Variants in PPP2R5E observed in about 807,000 individuals in gnomAD.
PPP2R5E encodes the protein protein phosphatase 2 regulatory subunit B'epsilon.
Under a neutral mutation model 65.3 loss-of-function variants are expected in PPP2R5E, and 4 were observed. The observed-to-expected ratio is 0.06, with a 90% CI of 0.03 to 0.14. The LOEUF (loss-of-function observed/expected upper bound fraction) is 0.14. PPP2R5E is among the 10% of genes least tolerant of loss of function. The pLI is 1.00. For missense variants in PPP2R5E, 274 were observed against 556.1 expected, an observed-to-expected ratio of 0.49 and a Z score of 5.10; for synonymous variants, 183 against 187.4, an observed-to-expected ratio of 0.98 and a Z score of 0.19.
At chr14:63,534,037 A>G (rs1209643108) in intron 2 of PPP2R5E, among the ~76,000 whole-genome samples, 1 of 152,242 alleles carries the variant, frequency 6.6e-6, no homozygotes, top group African/African-American at 2.4e-5. Flanking sequence ...ACGTTCACCC[A>G]AATCTAAACT....
Position 63,538,549 on chromosome 14 carries a change from G to A in PPP2R5E, c.157+980C>T, listed in dbSNP as rs113769039. On this transcript the variant is annotated intron_variant, in intron 2 of 13. Transcript: ENST00000337537. ...ATTACAGGCGTGAGCCACCACGCCC[G>A]GCCTCAACCTGCACTTTCACTCTGT... Among the ~76,000 whole-genome samples, 776 of 149,714 alleles carry A rather than the reference G, an allele frequency of 5.2e-3. 6 individuals carry two copies. Among genetic ancestry groups the A allele is most frequent in the African/African-American group, 0.018 (741 of 40,908 alleles).
intron 6 of PPP2R5E, 57 bp downstream of exon 6, chr14:63,396,529 A>G: frequency 6.3e-7 from 1 of 1,583,332 alleles, no homozygotes. Context: ...GATTTACTTA[A>G]TACTCATAAA....
intron 2 of PPP2R5E, among the ~76,000 whole-genome samples, chr14:63,524,131 T>C (rs1468148835): frequency 6.6e-6 from 1 of 152,248 alleles, no homozygotes; most frequent in East Asian, 1.9e-4. Context: ...ACATGTTCTT[T>C]TTAATGTTTT....
At chr14:63,509,557 G>A (rs1018121838) in intron 2 of PPP2R5E, among the ~76,000 whole-genome samples, 3 of 152,060 alleles carry the variant, frequency 2.0e-5, no homozygotes, top group Non-Finnish European at 4.4e-5. Context: ...TACAGGCCTC[G>A]TGAGTCGCTG....
chr14:63,465,923 C>T (rs1484077530), intron 2 of PPP2R5E, among the ~76,000 whole-genome samples: 3 of 152,018 alleles, frequency 2.0e-5, no homozygotes, highest in African/African-American at 4.8e-5. Flanking sequence ...TTTTTATTTA[C>T]GCCATGCTTA....
intron 2 of PPP2R5E, among the ~76,000 whole-genome samples, chr14:63,457,922 C>G (rs371315801): frequency 6.6e-6 from 1 of 152,236 alleles, no homozygotes. Context: ...ACCAGCTAAA[C>G]TGTACTTCTC....
At chr14:63,393,645 G>T (rs770878077) in intron 8 of PPP2R5E, among the ~76,000 whole-genome samples, 175 bp downstream of exon 8, 2 of 152,036 alleles carry the variant, frequency 1.3e-5, no homozygotes, top group African/African-American at 2.4e-5. Flanking sequence ...CCGGGAGGTG[G>T]AGGCTGCAGT....
intron 10 of PPP2R5E, among the ~76,000 whole-genome samples, chr14:63,391,474 G>C (rs966973694): frequency 1.3e-5 from 2 of 152,124 alleles, no homozygotes; most frequent in Non-Finnish European, 2.9e-5. Context: ...CCAGGCTGGA[G>C]TGCAATGGCA....
intron 3 of PPP2R5E, among the ~76,000 whole-genome samples, chr14:63,430,381 A>ACATACATG (rs1555359668): frequency 2.5e-4 from 33 of 133,034 alleles, no homozygotes; most frequent in African/African-American, 7.9e-4. Context: ...ATGCATGCAT[A>ACATACATG]CATACATACA....
chr14:63,484,875 A>G (rs1296500403), intron 2 of PPP2R5E, among the ~76,000 whole-genome samples: 1 of 152,262 alleles, frequency 6.6e-6, no homozygotes, highest in Non-Finnish European at 1.5e-5. Context: ...AATCCTAAGC[A>G]GCAAAGAACT....
intron 2 of PPP2R5E, among the ~76,000 whole-genome samples, chr14:63,465,450 CAAAAAAAA>C (rs1171345415): frequency 6.3e-5 from 3 of 47,418 alleles, no homozygotes; most frequent in Admixed American, 2.3e-4. Context: ...TCCACCTCTA[CAAAAAAAA>C]AAAAAAAAAA....
rs1456038704 is a variant in PPP2R5E at position 63,477,476 on chromosome 14, G to A, written c.158-23591C>T. ...AGAATCCAAGATACATAGAGACTAA[G>A]TATTTCACCCAAGGTCATAATGGCA... is the stretch of plus-strand genomic sequence containing the variant. On this transcript the variant is annotated intron_variant, in intron 2 of 13. Coordinates refer to ENST00000337537, the MANE Select transcript of PPP2R5E (RefSeq NM_006246.5). 4.6e-5 allele frequency among the ~76,000 whole-genome samples: 7 copies of A among 151,732 alleles called. No individual in the cohort carries two copies. The East Asian group carries it at 1.4e-3, about 29-fold the overall frequency.
intron 3 of PPP2R5E, among the ~76,000 whole-genome samples, chr14:63,431,833 C>T (rs1426431975): frequency 6.6e-6 from 1 of 151,946 alleles, no homozygotes; most frequent in East Asian, 1.9e-4. Flanking sequence ...TATTGTTACA[C>T]ATTTAGAAAT....
chr14:63,482,909 C>T (rs1393010622), intron 2 of PPP2R5E, among the ~76,000 whole-genome samples: 1 of 152,124 alleles, frequency 6.6e-6, no homozygotes, highest in African/African-American at 2.4e-5. Context: ...AGACACTGTT[C>T]TAGGTACCGA....
intron 2 of PPP2R5E, among the ~76,000 whole-genome samples, chr14:63,465,275 A>C (rs1458978583): frequency 1.3e-5 from 2 of 152,016 alleles, no homozygotes; most frequent in East Asian, 1.9e-4. Context: ...CTTCAAAATT[A>C]GTTTTAAACA....
intron 13 of PPP2R5E, among the ~76,000 whole-genome samples, chr14:63,380,619 G>T (rs1377196723): frequency 1.3e-5 from 2 of 151,552 alleles, no homozygotes; most frequent in Admixed American, 1.3e-4. Flanking sequence ...CTGAGATCGC[G>T]CCACTGCACT....
intron 8 of PPP2R5E, among the ~76,000 whole-genome samples, chr14:63,392,681 C>T (rs1435269914): frequency 1.3e-5 from 2 of 152,180 alleles, no homozygotes; most frequent in African/African-American, 2.4e-5. Flanking sequence ...AAGAAAACCA[C>T]CCTCGCAAAA....
chr14:63,485,419 G>T (rs1056531901), intron 2 of PPP2R5E, among the ~76,000 whole-genome samples: 2 of 151,874 alleles, frequency 1.3e-5, no homozygotes, highest in African/African-American at 4.8e-5. Flanking sequence ...TTCGTTTTTT[G>T]GGGGGTTTTT....
At chr14:63,409,598 C>T (rs188085407) in intron 5 of PPP2R5E, among the ~76,000 whole-genome samples, 40 of 152,268 alleles carry the variant, frequency 2.6e-4, no homozygotes, top group African/African-American at 8.9e-4. Flanking sequence ...AGCCTACTTG[C>T]TGTGACTTGT....
Sources: allele counts gnomAD v4.1 joint callset (sites outside exome capture counted in the v4.1 genomes callset), GRCh38; gene constraint gnomAD v4.1.1; transcripts MANE v1.5; gene names NCBI Gene and HGNC (gene_info 2026-07-23, HGNC 2026-07-21).